The following DNAAF9 variants were observed in gnomAD, a reference collection of about 807,000 sequenced individuals.
The protein encoded by DNAAF9 is shulin.
DNAAF9 carries 90 observed loss-of-function variants against 167.0 expected under a neutral mutation model. The ratio of observed to expected loss-of-function variants is 0.54; its 90% confidence interval spans 0.45 to 0.64. The LOEUF is 0.64. Among genes scored for constraint, DNAAF9 ranks in the 30% least tolerant of loss-of-function variants. DNAAF9 has a pLI of 0.00. For missense variants in DNAAF9, 1,315 were observed against 1,442.2 expected (o/e 0.91, Z 1.43); for synonymous variants, 491 against 508.8 (o/e 0.96, Z 0.47).
chr20:3,386,675 A>G (rs1294848491), intron 1 of DNAAF9, among the ~76,000 whole-genome samples: 1 of 152,162 alleles, frequency 6.6e-6, no homozygotes, highest in Non-Finnish European at 1.5e-5. Context: ...ATGAAAAGAC[A>G]AGCTACTGAC....
At chr20:3,364,182 T>C (rs2083400778) in intron 6 of DNAAF9, among the ~76,000 whole-genome samples, 1 of 152,176 alleles carries the variant, frequency 6.6e-6, no homozygotes, top group South Asian at 2.1e-4. Flanking sequence ...GTAACAACTG[T>C]TTTAATGTCC....
In DNAAF9 at chr20:3,255,201, C is replaced by A; in HGVS notation, c.3327+18G>T. ...AGCCCTGGGCCACCGAGGGGAGAAG[C>A]CAGGGCAAGGCACTCACGTGGATGC... On this transcript the variant is annotated intron_variant, in intron 35 of 36. Coordinates refer to ENST00000252032, the MANE Select transcript of DNAAF9 (RefSeq NM_001009984.3). The A allele has an allele frequency of 1.3e-6, 2 of 1,525,618 alleles. No homozygotes were observed. Among genetic ancestry groups the A allele is most frequent in the Non-Finnish European group, 1.8e-6 (2 of 1,123,622 alleles). The allele number at this position is 1,525,618 out of a possible 1,614,324, so 94.5% of individuals were successfully genotyped here.
chr20:3,255,704 C>A (rs1286860229), intron 34 of DNAAF9, among the ~76,000 whole-genome samples: 1 of 152,216 alleles, frequency 6.6e-6, no homozygotes, highest in Non-Finnish European at 1.5e-5. Context: ...CAGGCCCCAG[C>A]TAACTCTAGT....
At chr20:3,323,081 C>A (rs1223278484) in intron 14 of DNAAF9, among the ~76,000 whole-genome samples, 1 of 151,338 alleles carries the variant, frequency 6.6e-6, no homozygotes, top group Non-Finnish European at 1.5e-5. Flanking sequence ...ATGGGTGAGG[C>A]CTTCAGAGTT....
intron 6 of DNAAF9, chr20:3,362,116 T>C: frequency 1.4e-6 from 2 of 1,387,740 alleles, no homozygotes; most frequent in Non-Finnish European, 2.0e-6. Flanking sequence ...AGGTCCATAT[T>C]CTATTTTAAG....
chr20:3,359,427 C>T, intron 7 of DNAAF9, 89 bp downstream of exon 7: 1 of 868,394 alleles, frequency 1.2e-6, no homozygotes, highest in Non-Finnish European at 1.9e-6. Flanking sequence ...ACTAAAATAT[C>T]CTTTGCATTT....
chr20:3,290,105 A>G, intron 26 of DNAAF9, 24 bp downstream of exon 26: 2 of 1,492,180 alleles, frequency 1.3e-6, no homozygotes, highest in Non-Finnish European at 1.9e-6. Context: ...CTTTCCCCAA[A>G]GCAAAGGCAT....
intron 1 of DNAAF9, among the ~76,000 whole-genome samples, chr20:3,398,979 G>T (rs1325764285): frequency 6.6e-6 from 1 of 152,186 alleles, no homozygotes; most frequent in Non-Finnish European, 1.5e-5. Context: ...GCTGACCAAT[G>T]ACCATAAGGT....
intron 1 of DNAAF9, among the ~76,000 whole-genome samples, chr20:3,392,959 A>G (rs1029544832): frequency 6.6e-6 from 1 of 152,200 alleles, no homozygotes; most frequent in African/African-American, 2.4e-5. Context: ...TCAGTAATAC[A>G]TAGTTTTGGT....
intron 30 of DNAAF9, among the ~76,000 whole-genome samples, chr20:3,266,312 G>A (rs1329897081): frequency 6.6e-6 from 1 of 152,160 alleles, no homozygotes; most frequent in Non-Finnish European, 1.5e-5. Context: ...TTTGTAAGGA[G>A]TCAGTAGTCT....
chr20:3,358,230 T>G (rs1054389116), intron 7 of DNAAF9, among the ~76,000 whole-genome samples: 1 of 152,036 alleles, frequency 6.6e-6, no homozygotes, highest in Non-Finnish European at 1.5e-5. Context: ...TTAACTTTAT[T>G]AGAATATGTC....
intron 6 of DNAAF9, among the ~76,000 whole-genome samples, chr20:3,365,293 C>T (rs1272576688): frequency 6.6e-6 from 1 of 152,122 alleles, no homozygotes; most frequent in East Asian, 1.9e-4. Flanking sequence ...TAAAATAAGA[C>T]AACAATGAAG....
chr20:3,278,587 T>C (rs919254507), intron 29 of DNAAF9, among the ~76,000 whole-genome samples: 2 of 152,056 alleles, frequency 1.3e-5, no homozygotes, highest in Admixed American at 6.6e-5. Context: ...GGTGTGGTGG[T>C]ACATGCTTGT....
At chr20:3,334,834 G>A (rs1376353989) in intron 10 of DNAAF9, among the ~76,000 whole-genome samples, 1 of 152,078 alleles carries the variant, frequency 6.6e-6, no homozygotes, top group Non-Finnish European at 1.5e-5. Context: ...AGAAATTCAC[G>A]ACTCAGAAGG....
intron 1 of DNAAF9, among the ~76,000 whole-genome samples, chr20:3,385,419 T>C (rs2083719066): frequency 6.6e-6 from 1 of 152,100 alleles, no homozygotes; most frequent in Admixed American, 6.6e-5. Context: ...TAAAAATCAA[T>C]TGTAATTTTT....
chr20:3,314,892 G>A (rs779942227), intron 20 of DNAAF9, 141 bp downstream of exon 20: 27 of 599,162 alleles, frequency 4.5e-5, no homozygotes, highest in East Asian at 4.1e-4. Flanking sequence ...TGGGTGGGTC[G>A]AGAGAAAAGC....
intron 3 of DNAAF9, among the ~76,000 whole-genome samples, chr20:3,380,855 A>G (rs967483625): frequency 2.0e-5 from 3 of 152,208 alleles, no homozygotes; most frequent in Non-Finnish European, 2.9e-5. Flanking sequence ...AGTGCTACGG[A>G]GAGGGGAATA....
At chr20:3,350,140 GACACACAGACACACAGAC>G (rs991116443) in intron 7 of DNAAF9, among the ~76,000 whole-genome samples, 2 of 115,702 alleles carry the variant, frequency 1.7e-5, no homozygotes, top group East Asian at 2.4e-4. Context: ...CAGACACACA[GACACACAGACACACAGAC>G]ACACACACAC....
At chr20:3,260,466 G>T (rs2068364271) in intron 31 of DNAAF9, among the ~76,000 whole-genome samples, 1 of 152,144 alleles carries the variant, frequency 6.6e-6, no homozygotes, top group Admixed American at 6.5e-5. Context: ...AAGCATGACT[G>T]CCCAGTTAAA....
Sources: allele counts gnomAD v4.1 joint callset (sites outside exome capture counted in the v4.1 genomes callset), GRCh38; gene constraint gnomAD v4.1.1; transcripts MANE v1.5; gene names NCBI Gene and HGNC (gene_info 2026-07-23, HGNC 2026-07-21).